The following PKN2 variants were observed in gnomAD, a reference collection of about 807,000 sequenced individuals.
The protein encoded by PKN2 is serine/threonine-protein kinase N2.
Under a neutral mutation model 119.1 loss-of-function variants are expected in PKN2, and 38 were observed. The ratio of observed to expected loss-of-function variants is 0.32; its 90% CI spans 0.25 to 0.42. The LOEUF (loss-of-function observed/expected upper bound fraction) is 0.42, where lower values mean the gene tolerates loss of function less well. PKN2 is among the 10% of genes least tolerant of loss of function. PKN2 has a pLI of 1.00. For synonymous variants in PKN2, 390 were observed against 384.9 expected, an observed-to-expected ratio of 1.01 and a Z score of -0.15; for missense variants, 850 against 1,165.1, an observed-to-expected ratio of 0.73 and a Z score of 3.94.
chr1:88,696,754 A>C (rs1666557771), intron 1 of PKN2, among the ~76,000 whole-genome samples: 1 of 152,160 alleles, frequency 6.6e-6, no homozygotes, highest in Admixed American at 6.6e-5. Context: ...TTCTAGGTTG[A>C]GAATTCTAGG....
intron 12 of PKN2, chr1:88,806,272 C>G (rs1042854483): frequency 2.5e-6 from 1 of 404,758 alleles, no homozygotes; most frequent in African/African-American, 2.1e-5. Flanking sequence ...CTCCTGCAAG[C>G]CATTCTCCTA....
At chr1:88,724,882 G>GTTTTTTTTTTTTTTT (rs60507382) in intron 1 of PKN2, among the ~76,000 whole-genome samples, 1 of 106,012 alleles carries the variant, frequency 9.4e-6, no homozygotes. Context: ...CCACCCCTTG[G>GTTTTTTTTTTTTTTT]TTTTTTTTTT....
intron 8 of PKN2, among the ~76,000 whole-genome samples, chr1:88,794,694 GT>G (rs1041682250): frequency 2.0e-5 from 3 of 151,834 alleles, no homozygotes; most frequent in Non-Finnish European, 2.9e-5. Flanking sequence ...TCTTCTAGCT[GT>G]TTTTTTTATT....
At position 88,737,393 on chromosome 1, in the gene PKN2, A is replaced by G. The variant is rs1446697236; in HGVS notation, c.49-3595A>G. Among the ~76,000 whole-genome samples, 6 of 151,694 alleles carry G rather than the reference A, an allele frequency of 4.0e-5. No individual in the cohort carries two copies. The East Asian group carries it at 7.8e-4, about 20-fold the overall frequency. On this transcript the variant is annotated intron_variant, in intron 1 of 21. Coordinates refer to ENST00000370521, the MANE Select transcript of PKN2 (RefSeq NM_006256.4). ...ATTTTGCCCAGTGTGGAGTCTTACC[A>G]TGGCAGACTTGTCACTGAGTCAAGA...
At chr1:88,743,941 GACTTCTTAAT>G (rs1412450828) in intron 2 of PKN2, among the ~76,000 whole-genome samples, 2 of 151,826 alleles carry the variant, frequency 1.3e-5, no homozygotes, top group African/African-American at 4.8e-5. Context: ...TTTATACTGT[GACTTCTTAAT>G]ACTTCAGTTT....
intron 2 of PKN2, among the ~76,000 whole-genome samples, chr1:88,757,541 C>T (rs1243332083): frequency 6.6e-6 from 1 of 152,060 alleles, no homozygotes; most frequent in Non-Finnish European, 1.5e-5. Flanking sequence ...GTCACACCAT[C>T]TTATATTGTA....
In PKN2 at chr1:88,691,394, T is replaced by C. The variant is rs146658857; in HGVS notation, c.48+6766T>C. Among the ~76,000 whole-genome samples the C allele has an allele frequency of 1.2e-3, 188 of 152,264 alleles. 5 individuals carry two copies. In the East Asian group the frequency reaches 0.033, roughly 27 times the overall value. On this transcript the variant is annotated intron_variant, in intron 1 of 21. Coordinates refer to ENST00000370521, the MANE Select transcript of PKN2 (RefSeq NM_006256.4). ...TATCATATATTTTACACATTAATCA[T>C]ACTGTTTTCCCTTCCCTGTAGTTGC...
intron 1 of PKN2, among the ~76,000 whole-genome samples, chr1:88,727,978 G>A (rs559388150): frequency 2.2e-4 from 33 of 148,542 alleles, no homozygotes; most frequent in Admixed American, 1.2e-3. Context: ...GCCCTGTTTT[G>A]CAGTTATTTG....
chr1:88,750,873 CTCT>C (rs1557586729), intron 2 of PKN2, among the ~76,000 whole-genome samples: 1 of 152,126 alleles, frequency 6.6e-6, no homozygotes, highest in African/African-American at 2.4e-5. Context: ...AAATCTGTAT[CTCT>C]TCTTCATCTT....
At position 88,805,606 on chromosome 1, in the gene PKN2, A is replaced by G. The variant is rs201758727; in HGVS notation, c.1611A>G (p.Gln537=). ...TVNHSGTFSP[Q]APVPTTVPVV... ...ATCATTCTGGCACCTTCAGCCCTCA[A>G]GCTCCTGTGCCTACTACAGTGCCAG... The change falls in exon 11 of 22, where the codon CAA becomes CAG. Residue 537 remains glutamine, a synonymous_variant. Coordinates refer to ENST00000370521, the MANE Select transcript of PKN2 (RefSeq NM_006256.4). The G allele has an allele frequency of 6.2e-7, 1 of 1,614,064 alleles. No individual in the cohort carries two copies. Among genetic ancestry groups the G allele is most frequent in the African/African-American group, 1.3e-5 (1 of 75,034 alleles).
At position 88,813,731 on chromosome 1, in the gene PKN2, T is replaced by C. The variant is rs770526892; in HGVS notation, c.2277T>C (p.Ala759=). Residue 759 remains alanine, a splice_region_variant and synonymous_variant, in exon 16 of 22, where the codon GCT becomes GCC. Transcript: ENST00000370521. Reference sequence around the variant, plus strand: ...CTGATGTCTTTTCTGAACCAAGAGCTGTGTGAGTATGCTTTAGACATTTGT... The same window carrying C: ...CTGATGTCTTTTCTGAACCAAGAGCCGTGTGAGTATGCTTTAGACATTTGT... ...IHTDVFSEPR[A]VFYAACVVLG... 6.3e-7 allele frequency: 1 copy of C among 1,585,864 alleles called. No individual in the cohort carries two copies. The highest frequency in any genetic ancestry group is 8.5e-7 in the Non-Finnish European group (1 of 1,170,128).
In PKN2 at chr1:88,771,555, G is replaced by A; in HGVS notation, c.757G>A (p.Ala253Thr). 1 of 1,590,304 alleles carries A rather than the reference G, an allele frequency of 6.3e-7. No homozygotes were observed. Reference protein sequence around the residue: ...LGSGKVTDRKALSEAQARFNE... With the variant: ...LGSGKVTDRKTLSEAQARFNE... ...CTCAGGAAAAGTAACAGACAGAAAA[G>A]CACTTTCAGAAGTAATTTTAAATAA... Residue 253 changes from alanine to threonine, a missense_variant, in exon 5 of 22, where the codon GCA becomes ACA. Transcript: ENST00000370521.
intron 1 of PKN2, among the ~76,000 whole-genome samples, chr1:88,723,249 G>A (rs1369727246): frequency 2.0e-5 from 3 of 151,736 alleles, no homozygotes; most frequent in Admixed American, 6.6e-5. Context: ...GAGTAGCTGG[G>A]ATAACAAGTG....
intron 1 of PKN2, among the ~76,000 whole-genome samples, chr1:88,716,428 A>G (rs546030227): frequency 6.6e-6 from 1 of 152,270 alleles, no homozygotes; most frequent in South Asian, 2.1e-4. Context: ...GTGGGAGTCT[A>G]AGTCTCTTTG....
At chr1:88,768,024 A>T (rs1192536578) in intron 3 of PKN2, among the ~76,000 whole-genome samples, 1 of 133,382 alleles carries the variant, frequency 7.5e-6, no homozygotes, top group Non-Finnish European at 1.5e-5. Flanking sequence ...TAGTGATTAA[A>T]AATAGAGATG....
chr1:88,823,094 GC>G (rs1370271062), intron 17 of PKN2, among the ~76,000 whole-genome samples: 1 of 152,094 alleles, frequency 6.6e-6, no homozygotes, highest in African/African-American at 2.4e-5. Flanking sequence ...GATGACATCT[GC>G]CTGTATCCCA....
chr1:88,794,480 T>C (rs1200909749), intron 8 of PKN2, among the ~76,000 whole-genome samples: 4 of 152,158 alleles, frequency 2.6e-5, no homozygotes, highest in Admixed American at 6.5e-5. Context: ...GGCACAAGCC[T>C]GTAGTCCTAG....
intron 2 of PKN2, among the ~76,000 whole-genome samples, chr1:88,744,287 G>GGT (rs1325046541): frequency 1.3e-5 from 2 of 152,182 alleles, no homozygotes; most frequent in Admixed American, 6.5e-5. Context: ...ATTTATAACA[G>GGT]AAGTGTTTGA....
intron 1 of PKN2, among the ~76,000 whole-genome samples, chr1:88,696,179 C>G (rs1404434046): frequency 6.6e-6 from 1 of 152,252 alleles, no homozygotes; most frequent in South Asian, 2.1e-4. Flanking sequence ...AATGTTCCAC[C>G]TATTTGTAGC....
Sources: allele counts gnomAD v4.1 joint callset (sites outside exome capture counted in the v4.1 genomes callset), GRCh38; gene constraint gnomAD v4.1.1; transcripts MANE v1.5; gene names NCBI Gene and HGNC (gene_info 2026-07-23, HGNC 2026-07-21).